EZH1: variants seen among roughly 807,000 people sequenced by gnomAD.
EZH1 encodes the protein enhancer of zeste 1 polycomb repressive complex 2 subunit, also known as histone-lysine N-methyltransferase EZH1.
Under a neutral mutation model 100.5 loss-of-function variants are expected in EZH1, and 33 were observed. That is an observed-to-expected ratio of 0.33 (90% CI 0.25 to 0.44). EZH1 has a LOEUF of 0.44. EZH1 is among the 20% of genes least tolerant of loss of function. The pLI is 1.00. For missense variants in EZH1, 475 were observed against 928.4 expected (o/e 0.51, Z 6.35); for synonymous variants, 272 against 313.8 (o/e 0.87, Z 1.41).
intron 1 of EZH1, among the ~76,000 whole-genome samples, chr17:42,744,471 CT>C (rs1443592562): frequency 6.6e-6 from 1 of 152,162 alleles, no homozygotes. Context: ...TTGCGCGACC[CT>C]GAGTCAGTGC....
Position 42,702,501 on chromosome 17 carries a change from A to G in EZH1, c.*31T>C. On this transcript the variant is annotated 3_prime_UTR_variant, in exon 21 of 21. Transcript: ENST00000428826. ...GCACGAAAGCCAAGACAGTGCCGCTACCATAAGTGCTGCCGTGGGGCCTGG... is the reference window on the plus strand; with the variant it reads ...GCACGAAAGCCAAGACAGTGCCGCTGCCATAAGTGCTGCCGTGGGGCCTGG... 6.6e-7 allele frequency: 1 copy of G among 1,519,294 alleles called. No homozygotes were observed. 94.1% of individuals were successfully genotyped at this position (1,519,294 alleles called of 1,614,324 possible).
chr17:42,735,001 A>G (rs2054037973), intron 1 of EZH1, among the ~76,000 whole-genome samples: 1 of 146,624 alleles, frequency 6.8e-6, no homozygotes, highest in African/African-American at 2.5e-5. Context: ...TCAAAAAAAG[A>G]AGAGGAAAGA....
At chr17:42,704,159 G>A (rs1241266710) in intron 18 of EZH1, among the ~76,000 whole-genome samples, 1 of 152,190 alleles carries the variant, frequency 6.6e-6, no homozygotes, top group Admixed American at 6.5e-5. Flanking sequence ...ATCCCCAAGT[G>A]TGATCCTGCC....
intron 1 of EZH1, among the ~76,000 whole-genome samples, chr17:42,733,127 T>C (rs967290720): frequency 7.0e-6 from 1 of 143,346 alleles, no homozygotes; most frequent in South Asian, 2.2e-4. Context: ...CACCTGAGGG[T>C]GGGAGTTTGA....
intron 1 of EZH1, among the ~76,000 whole-genome samples, chr17:42,733,104 G>A (rs543242769): frequency 3.6e-4 from 54 of 151,632 alleles, no homozygotes; most frequent in East Asian, 1.2e-3. Flanking sequence ...CTGAAAGGCC[G>A]AGGCGGGCAG....
chr17:42,718,602 T>C lies in EZH1; in HGVS notation c.783A>G (p.Thr261=). ...DDMKERYREL[T]EMSDPNALPP... is the part of the protein sequence containing the mutation. The stretch of plus-strand genomic sequence containing the variant: ...GAAGTGCATTGGGGTCTGACATCTC[T>C]GTTAGTTCTCGATACCTATTTAAGA... Residue 261 remains threonine, a synonymous_variant, in exon 9 of 21, where the codon ACA becomes ACG. Transcript: ENST00000428826. This position sits in a 1 kb window ranked among gnomAD's most constrained non-coding sequence, Gnocchi z 4.2. 1 of 1,614,184 alleles carries C rather than the reference T, an allele frequency of 6.2e-7. No homozygotes were observed. Among genetic ancestry groups the C allele is most frequent in the East Asian group, 2.2e-5 (1 of 44,890 alleles).
rs558377885 is a variant in EZH1 at position 42,733,936 on chromosome 17, T to C, written c.-102-3018A>G. 6.2e-3 allele frequency among the ~76,000 whole-genome samples: 553 copies of C among 88,552 alleles called. 4 individuals are homozygous for C. Among genetic ancestry groups the C allele is most frequent in the African/African-American group, 0.03 (507 of 17,076 alleles). 58.1% of individuals were successfully genotyped at this position (88,552 alleles called of 152,430 possible). On this transcript the variant is annotated intron_variant, in intron 1 of 20. Transcript: ENST00000428826. Reference sequence around the variant, plus strand: ...TGCCTGGTGACAGAGCGAGACTCCATCTCAAAAAAAAAAAAAAAAAAAAAA... The same window carrying C: ...TGCCTGGTGACAGAGCGAGACTCCACCTCAAAAAAAAAAAAAAAAAAAAAA...
chr17:42,702,516 G>GT lies in EZH1; in HGVS notation c.*15dup, dbSNP rs3841620. On this transcript the variant is annotated 3_prime_UTR_variant, in exon 21 of 21. Coordinates refer to ENST00000428826, the MANE Select transcript of EZH1 (RefSeq NM_001991.5). ...CAGTGCCGCTACCATAAGTGCTGCC[G>GT]TGGGGCCTGGGAGGGCTAAAGGACG... 804,281 of 1,547,796 alleles carry GT rather than the reference G, an allele frequency of 0.52. 211,100 individuals are homozygous for GT. The highest frequency in any genetic ancestry group is 0.53 in the Non-Finnish European group (610,719 of 1,141,806).
Position 42,728,963 on chromosome 17 carries a change from C to CA in EZH1, c.-11-12dup. 1 of 1,568,964 alleles carries CA rather than the reference C, an allele frequency of 6.4e-7. No homozygotes were observed. Among genetic ancestry groups the CA allele is most frequent in the Non-Finnish European group, 8.6e-7 (1 of 1,159,606 alleles). On this transcript the variant is annotated splice_polypyrimidine_tract_variant and intron_variant, in intron 2 of 20. Transcript: ENST00000428826. ...CCATCTTGCTGTAATCTAAGAGAGA[C>CA]AGAGATGAGAAATAGCATTTTATTG... is the stretch of plus-strand genomic sequence containing the variant.
rs1209877146 is a variant in EZH1 at position 42,707,964 on chromosome 17, G to C, written c.1654C>G (p.Pro552Ala). 1 of 1,613,638 alleles carries C rather than the reference G, an allele frequency of 6.2e-7. No homozygotes were observed. Among genetic ancestry groups the C allele is most frequent in the Non-Finnish European group, 8.5e-7 (1 of 1,179,886 alleles). ...NFCEKFCQCN[P>A]DCQNRFPGCR... ...GAAAACGTAGCACACTTACAGTCTG[G>C]GTTGCACTGGCAGAACTTCTCACAG... Residue 552 changes from proline to alanine, a missense_variant, in exon 15 of 21, where the codon CCA (proline) becomes GCA (alanine). Around this residue, in one of 8 missense-constraint regions of EZH1, gnomAD observed 17 missense variants for 75.8 expected, o/e 0.22. Transcript: ENST00000428826.
chr17:42,740,960 A>G (rs542440855), intron 1 of EZH1, among the ~76,000 whole-genome samples: 3 of 152,344 alleles, frequency 2.0e-5, no homozygotes, highest in African/African-American at 7.2e-5. Context: ...AGAATCCAAT[A>G]TGTACACAGT....
chr17:42,708,844 G>A (rs1196521024), intron 14 of EZH1, 32 bp downstream of exon 14: 3 of 1,613,508 alleles, frequency 1.9e-6, no homozygotes, highest in African/African-American at 2.7e-5. Flanking sequence ...GCCTCCAGCT[G>A]AACTGCTGAA....
chr17:42,714,740 G>C (rs1194789098), intron 10 of EZH1: 3 of 177,082 alleles, frequency 1.7e-5, no homozygotes, highest in African/African-American at 7.2e-5. Context: ...ATACAGTAAG[G>C]CCTAAAGGAA....
At chr17:42,727,814 T>A in intron 3 of EZH1, 51 bp from the exon 4 acceptor site, 1 of 1,274,490 alleles carries the variant, frequency 7.8e-7, no homozygotes. Flanking sequence ...TATTAATTAA[T>A]TAATAATTTA....
Position 42,718,531 on chromosome 17 carries a change from A to G in EZH1, c.854T>C (p.Val285Ala). ...PNIDGPNAKS[V>A]QREQSLHSFH... ...GGAGTGCAGAGATTGCTCCCGCTGC[A>G]CAGACTTGGCATTGGGGCCATCGAT... is the stretch of plus-strand genomic sequence containing the variant. The change falls in exon 9 of 21, where the codon GTG (valine) becomes GCG (alanine). Residue 285 changes from valine to alanine, a missense_variant. Val to Ala is a moderately conservative substitution (Grantham distance 64). Transcript: ENST00000428826. The surrounding 1 kb of genome is among the most constrained non-coding windows in gnomAD (Gnocchi z 4.2). The G allele has an allele frequency of 6.2e-7, 1 of 1,614,218 alleles. No homozygotes were observed. Among genetic ancestry groups the G allele is most frequent in the Non-Finnish European group, 8.5e-7 (1 of 1,180,042 alleles).
intron 5 of EZH1, 56 bp from the exon 6 acceptor site, chr17:42,722,971 C>T: frequency 1.3e-6 from 2 of 1,569,450 alleles, no homozygotes; most frequent in Middle Eastern, 1.7e-4. Context: ...TCTGCTCTTT[C>T]CTATTTAGTG....
At chr17:42,722,093 G>A (rs1167008778) in intron 6 of EZH1, among the ~76,000 whole-genome samples, 2 of 147,266 alleles carry the variant, frequency 1.4e-5, no homozygotes. Context: ...AGCTTACAGT[G>A]AGCCGAGATT....
At chr17:42,704,963 G>A (rs2053322468) in intron 17 of EZH1, 125 bp downstream of exon 17, 2 of 825,366 alleles carry the variant, frequency 2.4e-6, no homozygotes, top group Non-Finnish European at 3.9e-6. Context: ...ATCTCCCCAA[G>A]AGGCCACGTG....
intron 13 of EZH1, among the ~76,000 whole-genome samples, chr17:42,709,351 A>G (rs113096887): frequency 9.3e-4 from 142 of 152,288 alleles, no homozygotes; most frequent in African/African-American, 3.4e-3. Flanking sequence ...TTCCTTCTGT[A>G]TCTAGAAGTG....
Sources: gnomAD v4.1 joint callset for allele counts (sites outside exome capture counted in the v4.1 genomes callset) on GRCh38, gnomAD v4.1.1 for gene constraint, gnomAD v4.1.1 regional missense constraint, Gnocchi (gnomAD v3.1) non-coding constraint, MANE v1.5 for transcripts, NCBI Gene and HGNC (gene_info 2026-07-23, HGNC 2026-07-21) for gene names.